Variants in PSG6 observed in about 807,000 individuals in gnomAD.
PSG6 encodes pregnancy specific beta-1-glycoprotein 6.
In PSG6, 51 loss-of-function variants were observed where a neutral mutation model predicts 43.3. That is an observed-to-expected ratio of 1.18 (90% CI 0.94 to 1.49). The LOEUF is 1.49. PSG6 is among the 40% of genes most tolerant of loss of function. The pLI, the probability that PSG6 is intolerant of heterozygous loss-of-function variation, is 0.00. For missense variants in PSG6, 770 were observed against 522.2 expected (o/e 1.47, Z -4.62); for synonymous variants, 292 against 197.6 (o/e 1.48, Z -4.01).
chr19:42,908,311 T>C (rs1972157290), intron 3 of PSG6, among the ~76,000 whole-genome samples: 1 of 151,736 alleles, frequency 6.6e-6, no homozygotes, highest in Non-Finnish European at 1.5e-5. Flanking sequence ...GGACTTCCCA[T>C]TGTCCTGAAA....
In PSG6 at chr19:42,907,197, C is replaced by T. The variant is rs768066211; in HGVS notation, c.986-21G>A. ...ACCATCTGGAGGAAAGAGAATAAAG[C>T]CACAGGTGATGTCATCCAAGGGAAG... On this transcript the variant is annotated intron_variant, in intron 4 of 5. Transcript: ENST00000187910. The T allele has an allele frequency of 3.1e-6, 5 of 1,606,362 alleles. 2 individuals carry two copies. The highest frequency in any genetic ancestry group is 1.7e-6 in the Non-Finnish European group (2 of 1,175,476).
chr19:42,917,749 C>T lies in PSG6; in HGVS notation c.44G>A (p.Trp15Ter), dbSNP rs1304352717. ...CTCACCTGTGAGCAGGAGCCCCTTC[C>T]AGGTGATGTGCTGAGTGCAGGGAGG... is the stretch of plus-strand genomic sequence containing the variant. ...SAPPCTQHIT[W>*]KGLLLTASLL... The change falls in exon 1 of 6, where the codon TGG becomes TAG. Residue 15 changes from tryptophan (W) to a stop codon, truncating the protein, a stop_gained. Coordinates refer to ENST00000187910, the MANE Select transcript of PSG6 (RefSeq NM_001031850.4). LOFTEE classifies it high-confidence loss of function. 1 of 1,610,226 alleles carries T rather than the reference C, an allele frequency of 6.2e-7. No homozygotes were observed. The highest frequency in any genetic ancestry group is 8.5e-7 in the Non-Finnish European group (1 of 1,177,978).
At chr19:42,913,169 T>A (rs1343001074) in intron 2 of PSG6, among the ~76,000 whole-genome samples, 2 of 151,472 alleles carry the variant, frequency 1.3e-5, no homozygotes, top group Non-Finnish European at 2.9e-5. Flanking sequence ...AGCATTTTTT[T>A]TTCTGAGACA....
rs999982961 is a variant in PSG6 at position 42,910,414 on chromosome 19, AG to A, written c.706+165del. ...GCCTCTTCTCTCTTATTGTTGATCA[AG>A]CCTAGGCCTACTCTGGTTTGCCTGG... On this transcript the variant is annotated intron_variant, in intron 3 of 5. Coordinates refer to ENST00000187910, the MANE Select transcript of PSG6 (RefSeq NM_001031850.4). 2.4e-5 allele frequency: 37 copies of A among 1,553,082 alleles called. No homozygotes were observed. In the Admixed American group the frequency reaches 5.4e-4, roughly 23 times the overall value.
At chr19:42,914,963 C>A (rs544772256) in intron 2 of PSG6, among the ~76,000 whole-genome samples, 42 of 151,636 alleles carry the variant, frequency 2.8e-4, no homozygotes, top group Admixed American at 1.4e-3. Context: ...CGGTTGAAGC[C>A]AGTGATTTAG....
chr19:42,910,671 A>T lies in PSG6; in HGVS notation c.615T>A (p.Gly205=). 1 of 1,612,328 alleles carries T rather than the reference A, an allele frequency of 6.2e-7. No individual in the cohort carries two copies. The highest frequency in any genetic ancestry group is 8.5e-7 in the Non-Finnish European group (1 of 1,179,246). The change falls in exon 3 of 6, where the codon GGT becomes GGA. Residue 205 remains glycine (G), a synonymous_variant. Coordinates refer to ENST00000187910, the MANE Select transcript of PSG6 (RefSeq NM_001031850.4). ...SKTNRTLYLF[G]VTKYIAGPYE... The stretch of plus-strand genomic sequence containing the variant: ...AGGGTCCTGCAATATACTTTGTGAC[A>T]CCAAATAGATAGAGGGTCCTGTTGG...
At position 42,917,669 on chromosome 19, in the gene PSG6, T is replaced by G. The variant is rs559062653; in HGVS notation, c.64+60A>C. On this transcript the variant is annotated intron_variant, in intron 1 of 5. Transcript: ENST00000187910. ...TTTTAGAACCCCATCCTCTCCAGGA[T>G]ACCCCATCCAGTCACTCTGCTTCCT... 274 of 1,595,938 alleles carry G rather than the reference T, an allele frequency of 1.7e-4. 10 individuals are homozygous for G. The highest frequency in any genetic ancestry group is 4.5e-4 in the Admixed American group (27 of 59,570).
At chr19:42,908,007 C>G in intron 3 of PSG6, 153 bp from the exon 4 acceptor site, 1 of 1,255,988 alleles carries the variant, frequency 8.0e-7, no homozygotes, top group Non-Finnish European at 1.1e-6. Context: ...GTATGATGAT[C>G]TAAGGGCTCA....
At chr19:42,907,502 A>T in intron 4 of PSG6, 74 bp downstream of exon 4, 1 of 1,593,184 alleles carries the variant, frequency 6.3e-7, no homozygotes, top group Non-Finnish European at 8.5e-7. Flanking sequence ...CCGGAGAGAG[A>T]CTGAGAGGCC....
chr19:42,914,651 C>A (rs559639549), intron 2 of PSG6, among the ~76,000 whole-genome samples: 1 of 151,384 alleles, frequency 6.6e-6, no homozygotes, highest in Non-Finnish European at 1.5e-5. Context: ...CTCTGAAGGA[C>A]AAGGGACAGG....
rs747854367 is a variant in PSG6, at chr19:42,906,976, G to A, written c.1186C>T (p.Arg396Cys). The change falls in exon 5 of 6, where the codon CGT becomes TGT. Residue 396 changes from arginine to cysteine, a missense_variant. Arg to Cys is a radical substitution (Grantham distance 180). Coordinates refer to ENST00000187910, the MANE Select transcript of PSG6 (RefSeq NM_001031850.4). ...ATTTCCTTGCCAGTGGCTGAGTTAC[G>A]AACAGAGCAAGCATAGAGCCCGCTA... ...NHSGLYACSV[R>C]NSATGKEISK... 11 of 1,612,406 alleles carry A rather than the reference G, an allele frequency of 6.8e-6. No homozygotes were observed. Among genetic ancestry groups the A allele is most frequent in the Non-Finnish European group, 7.6e-6 (9 of 1,179,080 alleles).
chr19:42,917,038 A>G (rs1972349555), intron 1 of PSG6, among the ~76,000 whole-genome samples: 1 of 151,118 alleles, frequency 6.6e-6, no homozygotes, highest in Non-Finnish European at 1.5e-5. Context: ...AGACTCCTGT[A>G]GATGTGAGAG....
chr19:42,905,011 T>C (rs1972089989), intron 5 of PSG6, among the ~76,000 whole-genome samples: 1 of 151,596 alleles, frequency 6.6e-6, no homozygotes, highest in African/African-American at 2.4e-5. Context: ...TCATCGAGTG[T>C]GCCAAGATCG....
chr19:42,908,816 A>G (rs1972166775), intron 3 of PSG6, among the ~76,000 whole-genome samples: 1 of 151,740 alleles, frequency 6.6e-6, no homozygotes, highest in Admixed American at 6.6e-5. Flanking sequence ...CTCTGATTCC[A>G]TGGGTTCCAC....
intron 3 of PSG6, among the ~76,000 whole-genome samples, chr19:42,909,511 C>T (rs980859439): frequency 1.3e-4 from 19 of 151,438 alleles, no homozygotes; most frequent in African/African-American, 3.4e-4. Flanking sequence ...GGTAGTATTG[C>T]CTTTCTAACA....
intron 2 of PSG6, among the ~76,000 whole-genome samples, chr19:42,913,665 C>T (rs983809273): frequency 6.6e-6 from 1 of 151,682 alleles, no homozygotes; most frequent in African/African-American, 2.4e-5. Flanking sequence ...CCTATAATTG[C>T]TCCTATAGAT....
chr19:42,904,283 G>C (rs542695913), intron 5 of PSG6, among the ~76,000 whole-genome samples: 12 of 151,650 alleles, frequency 7.9e-5, no homozygotes, highest in African/African-American at 2.9e-4. Context: ...CAACATAGTA[G>C]TGAAAGGTCT....
rs765971121 is a variant in PSG6 at position 42,916,698 on chromosome 19, T to C, written c.65-211A>G. Among the ~76,000 whole-genome samples the C allele has an allele frequency of 2.0e-4, 26 of 131,984 alleles. 1 individual carries two copies. The highest frequency in any genetic ancestry group is 3.1e-4 in the Non-Finnish European group (19 of 62,030). 86.6% of individuals were successfully genotyped at this position (131,984 alleles called of 152,430 possible). On this transcript the variant is annotated intron_variant, in intron 1 of 5. Transcript: ENST00000187910. ...TCCTACTAGGTCAAGGTCAGCAGCATGACCCCCATTCCTTCAACACTCCTG... is the reference window on the plus strand; with the variant it reads ...TCCTACTAGGTCAAGGTCAGCAGCACGACCCCCATTCCTTCAACACTCCTG...
intron 2 of PSG6, among the ~76,000 whole-genome samples, chr19:42,914,647 A>C (rs577396506): frequency 1.5e-4 from 22 of 151,550 alleles, no homozygotes; most frequent in Non-Finnish European, 2.9e-4. Context: ...CAGCCTCTGA[A>C]GGACAAGGGA....
Sources: gnomAD v4.1 joint callset for allele counts (sites outside exome capture counted in the v4.1 genomes callset) on GRCh38, gnomAD v4.1.1 for gene constraint, MANE v1.5 for transcripts, NCBI Gene and HGNC (gene_info 2026-07-23, HGNC 2026-07-21) for gene names.